ATXN2: variants seen among roughly 807,000 people sequenced by gnomAD.
The protein encoded by ATXN2 is ataxin 2, also known as ataxin-2.
ATXN2 carries 37 observed loss-of-function variants against 138.6 expected under a neutral mutation model. The observed-to-expected ratio is 0.27, with a 90% CI of 0.21 to 0.35. The LOEUF (loss-of-function observed/expected upper bound fraction) is 0.35, where lower values mean the gene tolerates loss of function less well. Among genes scored for constraint, ATXN2 ranks in the 10% least tolerant of loss-of-function variants. The pLI is 1.00. For synonymous variants in ATXN2, 549 were observed against 543.7 expected (o/e 1.01, Z -0.13); for missense variants, 1,216 against 1,480.3 (o/e 0.82, Z 2.93).
chr12:111,489,916 T>C (rs1301115851), intron 14 of ATXN2, among the ~76,000 whole-genome samples: 1 of 151,962 alleles, frequency 6.6e-6, no homozygotes, highest in Non-Finnish European at 1.5e-5. Context: ...AAAAGCTATG[T>C]TCAGGGCTGC....
chr12:111,590,768 A>G (rs1291497424), intron 1 of ATXN2, among the ~76,000 whole-genome samples: 2 of 152,142 alleles, frequency 1.3e-5, no homozygotes, highest in Non-Finnish European at 2.9e-5. Context: ...CCCACCTGTT[A>G]GATCAGGTGC....
Position 111,470,643 on chromosome 12 carries a change from G to A in ATXN2, c.2624C>T (p.Ala875Val), listed in dbSNP as rs1243087781. Residue 875 changes from alanine (A) to valine (V), a missense_variant, in exon 19 of 25, where the codon GCT (alanine) becomes GTT (valine). Around this residue, in one of 4 missense-constraint regions of ATXN2, gnomAD observed 490 missense variants for 653.5 expected, o/e 0.75. Coordinates refer to ENST00000673436, the MANE Select transcript of ATXN2 (RefSeq NM_001372574.1). Reference protein sequence around the residue: ...AGPPIAATPPAYSTQYVAYSP... With the variant: ...AGPPIAATPPVYSTQYVAYSP... ...GTAGGCAACATATTGCGTGGAGTAA[G>A]CTGGTGGGGTGGCTGCAATCGGTGG... 1.7e-5 allele frequency: 28 copies of A among 1,614,068 alleles called. No homozygotes were observed. Among genetic ancestry groups the A allele is most frequent in the Non-Finnish European group, 2.3e-5 (27 of 1,180,046 alleles).
At position 111,598,695 on chromosome 12, in the gene ATXN2, G is replaced by A. The variant is rs1441544396; in HGVS notation, c.251+89C>T. ...GCCCCCAGCCCACCCCGGGTAGCCC[G>A]GCGGGTCACGGGGCGGGGACGGCGG... On this transcript the variant is annotated intron_variant, in intron 1 of 24. Transcript: ENST00000673436. The surrounding 1 kb of genome is among the most constrained non-coding windows in gnomAD (Gnocchi z 4.5). 61 of 898,550 alleles carry A rather than the reference G, an allele frequency of 6.8e-5. No individual in the cohort carries two copies. The highest frequency in any genetic ancestry group is 1.1e-4 in the Admixed American group (2 of 18,124). 55.7% of individuals were successfully genotyped at this position (898,550 alleles called of 1,614,324 possible). A position where few individuals can be genotyped will look rare whatever the true frequency, so the allele number is the denominator to read the frequency against.
chr12:111,495,781 A>G (rs1878385116), intron 14 of ATXN2, among the ~76,000 whole-genome samples: 1 of 152,170 alleles, frequency 6.6e-6, no homozygotes, highest in African/African-American at 2.4e-5. Flanking sequence ...ACAGCTATAG[A>G]ATACACATTC....
chr12:111,493,939 G>C (rs891480954), intron 14 of ATXN2, among the ~76,000 whole-genome samples: 1 of 148,746 alleles, frequency 6.7e-6, no homozygotes, highest in African/African-American at 2.5e-5. Flanking sequence ...GTTTTGTTTT[G>C]TATTGTTTTT....
chr12:111,564,942 C>T (rs1882909399), intron 1 of ATXN2: 1 of 152,096 alleles, frequency 6.6e-6, no homozygotes, highest in Admixed American at 6.6e-5. Context: ...AAGCTGGTCT[C>T]CAGCTCCTGA....
Position 111,513,432 on chromosome 12 carries a change from G to C in ATXN2, c.1483C>G (p.Pro495Ala). 6.2e-7 allele frequency: 1 copy of C among 1,614,048 alleles called. No individual in the cohort carries two copies. The highest frequency in any genetic ancestry group is 8.5e-7 in the Non-Finnish European group (1 of 1,180,014). The change falls in exon 11 of 25, where the codon CCC becomes GCC. Residue 495 changes from proline to alanine, a missense_variant. Pro to Ala is a conservative substitution (Grantham distance 27). Around this residue, in one of 4 missense-constraint regions of ATXN2, gnomAD observed 215 missense variants for 210.0 expected, o/e 1.02. Transcript: ENST00000673436. ...SGLEFVSHNP[P>A]SEAATPPVAR... ...ACTGGAGGAGTAGCTGCTTCACTGGGTGGGTTGTGGGATACAAATTCTAGG... is the reference window on the plus strand; with the variant it reads ...ACTGGAGGAGTAGCTGCTTCACTGGCTGGGTTGTGGGATACAAATTCTAGG...
At position 111,598,013 on chromosome 12, in the gene ATXN2, G is replaced by A. The variant is rs895319819; in HGVS notation, c.251+771C>T. 1.7e-6 allele frequency: 2 copies of A among 1,194,940 alleles called. No homozygotes were observed. Among genetic ancestry groups the A allele is most frequent in the African/African-American group, 1.6e-5 (1 of 62,852 alleles). The allele number at this position is 1,194,940 out of a possible 1,614,324, so 74.0% of individuals were successfully genotyped here. On this transcript the variant is annotated intron_variant, in intron 1 of 24. Transcript: ENST00000673436. This position sits in a 1 kb window ranked among gnomAD's most constrained non-coding sequence, Gnocchi z 4.5. ...AGAGGTCTGGCGGGGGAAGGAGGAA[G>A]GCCGGGACGGGGCCGGGCACTCCCC... is the stretch of plus-strand genomic sequence containing the variant.
In ATXN2 at chr12:111,484,225, C is replaced by T. The variant is rs189849432; in HGVS notation, c.2524+1040G>A. 6.7e-4 allele frequency among the ~76,000 whole-genome samples: 102 copies of T among 151,894 alleles called. 1 individual carries two copies. Among genetic ancestry groups the T allele is most frequent in the African/African-American group, 2.3e-3 (94 of 41,404 alleles). ...CTAGTAAATTAATCTAGCAAACCCT[C>T]TTCTTCAAATTTAAGTTCAGATTTA... On this transcript the variant is annotated intron_variant, in intron 18 of 24. Coordinates refer to ENST00000673436, the MANE Select transcript of ATXN2 (RefSeq NM_001372574.1).
At chr12:111,537,929 A>G (rs1881284456) in intron 5 of ATXN2, among the ~76,000 whole-genome samples, 1 of 151,982 alleles carries the variant, frequency 6.6e-6, no homozygotes, top group South Asian at 2.1e-4. Flanking sequence ...GACCTCATCA[A>G]ACAAAAAATA....
chr12:111,531,963 T>C (rs1475082222), intron 5 of ATXN2, among the ~76,000 whole-genome samples: 2 of 152,236 alleles, frequency 1.3e-5, no homozygotes, highest in Non-Finnish European at 2.9e-5. Context: ...TCTGTTGGCA[T>C]AGTAACATAC....
rs979164802 is a variant in ATXN2 at position 111,595,996 on chromosome 12, G to A, written c.251+2788C>T. Among the ~76,000 whole-genome samples the A allele has an allele frequency of 4.6e-5, 7 of 152,214 alleles. 1 individual carries two copies. The highest frequency in any genetic ancestry group is 2.0e-4 in the Admixed American group (3 of 15,284). ...GCGGATCACTTGAGGTCAGGAGTTC[G>A]AGACCAGCCTGGCCAACATGGCAAA... On this transcript the variant is annotated intron_variant, in intron 1 of 24. Coordinates refer to ENST00000673436, the MANE Select transcript of ATXN2 (RefSeq NM_001372574.1).
At chr12:111,464,379 G>A (rs1875845635) in intron 21 of ATXN2, among the ~76,000 whole-genome samples, 1 of 148,814 alleles carries the variant, frequency 6.7e-6, no homozygotes, top group Non-Finnish European at 1.5e-5. Context: ...GTATAAAGCT[G>A]TTTAGGAAGT....
In ATXN2 at chr12:111,453,398, C is replaced by T; in HGVS notation, c.3439+279G>A. 1 of 1,186,694 alleles carries T rather than the reference C, an allele frequency of 8.4e-7. No individual in the cohort carries two copies. Among genetic ancestry groups the T allele is most frequent in the South Asian group, 3.2e-5 (1 of 30,888 alleles). 73.5% of individuals were successfully genotyped at this position (1,186,694 alleles called of 1,614,324 possible). A position where few individuals can be genotyped will look rare whatever the true frequency, so the allele number is the denominator to read the frequency against. The stretch of plus-strand genomic sequence containing the variant: ...TCCAGCCTGTCATAACAAGGAAGGC[C>T]AACTGAGTCCTAGGCATGCATCAGG... On this transcript the variant is annotated intron_variant, in intron 24 of 24. Coordinates refer to ENST00000673436, the MANE Select transcript of ATXN2 (RefSeq NM_001372574.1). The surrounding 1 kb of genome is among the most constrained non-coding windows in gnomAD (Gnocchi z 5.4).
intron 1 of ATXN2, among the ~76,000 whole-genome samples, chr12:111,574,392 G>A (rs937528271): frequency 1.3e-5 from 2 of 149,124 alleles, no homozygotes; most frequent in African/African-American, 2.5e-5. Context: ...CCTGAATTCC[G>A]TATCTGTCAC....
intron 6 of ATXN2, among the ~76,000 whole-genome samples, chr12:111,523,929 A>G (rs1039529691): frequency 2.6e-5 from 4 of 152,162 alleles, no homozygotes; most frequent in South Asian, 2.1e-4. Context: ...ATCTTCACAT[A>G]TAATTATTTG....
chr12:111,578,186 G>C (rs1883788967), intron 1 of ATXN2, among the ~76,000 whole-genome samples: 1 of 152,140 alleles, frequency 6.6e-6, no homozygotes, highest in Non-Finnish European at 1.5e-5. Flanking sequence ...GATAGAGCGA[G>C]ACTCCATCTC....
At position 111,488,428 on chromosome 12, in the gene ATXN2, A is replaced by T. The variant is rs180994432; in HGVS notation, c.2240+48T>A. ...AAGGACCTAAATGCCTTTAAAAAAA[A>T]AAAAGTTAATTGAGTAACAGGATGG... On this transcript the variant is annotated intron_variant, in intron 15 of 24. Coordinates refer to ENST00000673436, the MANE Select transcript of ATXN2 (RefSeq NM_001372574.1). The T allele has an allele frequency of 7.9e-5, 123 of 1,552,538 alleles. No individual in the cohort carries two copies. The East Asian group carries it at 2.5e-3, about 31-fold the overall frequency.
At chr12:111,582,859 A>C (rs1025465360) in intron 1 of ATXN2, among the ~76,000 whole-genome samples, 6 of 151,852 alleles carry the variant, frequency 4.0e-5, no homozygotes, top group African/African-American at 1.5e-4. Context: ...TAGTAGAGAC[A>C]GGGTTTCCCC....
Sources: gnomAD v4.1 joint callset for allele counts (sites outside exome capture counted in the v4.1 genomes callset) on GRCh38, gnomAD v4.1.1 for gene constraint, gnomAD v4.1.1 regional missense constraint, Gnocchi (gnomAD v3.1) non-coding constraint, MANE v1.5 for transcripts, NCBI Gene and HGNC (gene_info 2026-07-23, HGNC 2026-07-21) for gene names.